The following TANC2 variants were observed in gnomAD, a reference collection of about 807,000 sequenced individuals.
The protein encoded by TANC2 is protein TANC2.
A neutral mutation model predicts 210.5 loss-of-function variants in TANC2; 26 were observed. The ratio of observed to expected loss-of-function variants is 0.12; its 90% confidence interval spans 0.09 to 0.17. TANC2 has a LOEUF of 0.17. TANC2 is among the 10% of genes least tolerant of loss of function. The pLI is 1.00. For synonymous variants in TANC2, 931 were observed against 967.1 expected, an observed-to-expected ratio of 0.96 and a Z score of 0.69; for missense variants, 2,129 against 2,608.9, an observed-to-expected ratio of 0.82 and a Z score of 4.01.
intron 9 of TANC2, among the ~76,000 whole-genome samples, chr17:63,276,883 G>C (rs1488930463): frequency 6.6e-6 from 1 of 152,084 alleles, no homozygotes; most frequent in Admixed American, 6.6e-5. Context: ...TGGTAATAAG[G>C]AAACTATGTC....
chr17:63,185,007 G>T (rs1400520901), intron 5 of TANC2, among the ~76,000 whole-genome samples: 2 of 150,592 alleles, frequency 1.3e-5, no homozygotes, highest in Admixed American at 1.3e-4. Context: ...GTTGGGGACA[G>T]AGTGTGAGAC....
chr17:63,411,540 G>A, exon 22 of TANC2: 1 of 1,613,230 alleles, frequency 6.2e-7, no homozygotes, highest in Non-Finnish European at 8.5e-7. Flanking sequence ...GGACAAAGAA[G>A]GATTGACAGC....
chr17:63,283,084 A>C (rs952317231), intron 9 of TANC2, among the ~76,000 whole-genome samples: 4 of 152,028 alleles, frequency 2.6e-5, no homozygotes, highest in Admixed American at 2.0e-4. Context: ...TTTATGTTTT[A>C]CATTTAGGTA....
At chr17:63,388,686 A>G in exon 16 of TANC2, 1 of 1,606,540 alleles carries the variant, frequency 6.2e-7, no homozygotes, top group Non-Finnish European at 8.5e-7. Context: ...AGGTCTCTGG[A>G]TCTCTTATAG....
rs142486219 is a variant in TANC2 at position 63,063,575 on chromosome 17, T to TGTGTGTGTGTGTAG, written c.68-10368_68-10367insGTGTGTGTGTGTAG. Among the ~76,000 whole-genome samples, 103 of 132,584 alleles carry TGTGTGTGTGTGTAG rather than the reference T, an allele frequency of 7.8e-4. 2 individuals are homozygous for TGTGTGTGTGTGTAG. Among genetic ancestry groups the TGTGTGTGTGTGTAG allele is most frequent in the African/African-American group, 2.3e-3 (75 of 32,124 alleles). The allele number at this position is 132,584 out of a possible 152,430, so 87.0% of individuals were successfully genotyped here. A position where few individuals can be genotyped will look rare whatever the true frequency, so the allele number is the denominator to read the frequency against. On this transcript the variant is annotated intron_variant, in intron 2 of 27. Transcript: ENST00000689528. ...GTGTGTGTGTGTGTGTGTGTGTGTG[T>TGTGTGTGTGTGTAG]AGATATATCTCTTACAGTATCACAC...
At chr17:63,220,850 G>A (rs1053610276) in intron 7 of TANC2, among the ~76,000 whole-genome samples, 4 of 148,526 alleles carry the variant, frequency 2.7e-5, no homozygotes, top group African/African-American at 9.9e-5. Context: ...GTGTATATAC[G>A]TATATACGTA....
intron 5 of TANC2, among the ~76,000 whole-genome samples, chr17:63,180,821 C>T (rs1265526415): frequency 1.9e-4 from 29 of 151,478 alleles, no homozygotes; most frequent in Admixed American, 1.6e-3. Context: ...GTCAGGAGTT[C>T]GAGACCAACC....
intron 17 of TANC2, 21 bp from the exon 18 acceptor site, chr17:63,395,722 T>A (rs771288078): frequency 6.2e-7 from 1 of 1,610,370 alleles, no homozygotes; most frequent in Non-Finnish European, 8.5e-7. Context: ...TTCACACATA[T>A]CTCCTGTCCT....
chr17:63,322,585 T>C (rs1005071629), intron 11 of TANC2, among the ~76,000 whole-genome samples: 3 of 152,242 alleles, frequency 2.0e-5, no homozygotes, highest in Non-Finnish European at 4.4e-5. Flanking sequence ...CATTCAGTTA[T>C]TCAGTTTAGA....
chr17:63,206,689 AGT>A (rs1437598517), intron 7 of TANC2, among the ~76,000 whole-genome samples: 1 of 152,134 alleles, frequency 6.6e-6, no homozygotes, highest in Non-Finnish European at 1.5e-5. Context: ...GAGAGTACTG[AGT>A]GGGGCTGCAG....
chr17:63,420,815 G>T lies in TANC2; in HGVS notation c.5085G>T (p.Gln1695His), dbSNP rs1349336732. 1.7e-5 allele frequency: 27 copies of T among 1,613,872 alleles called. No homozygotes were observed. The highest frequency in any genetic ancestry group is 2.3e-5 in the Non-Finnish European group (27 of 1,179,886). ...TCAGGCTACAGCCTGCCAAGGCCCA[G>T]ATTGTGAGAAGTAACCAGCCCAGCC... is the stretch of plus-strand genomic sequence containing the variant. Residue 1695 changes from glutamine to histidine, a missense_variant, in exon 28 of 28, where the codon CAG becomes CAT. Gln to His is a conservative substitution (Grantham distance 24). Around this residue, in one of 5 missense-constraint regions of TANC2, gnomAD observed 584 missense variants for 627.3 expected, o/e 0.93. Transcript: ENST00000689528. The surrounding 1 kb of genome is among the most constrained non-coding windows in gnomAD (Gnocchi z 4.2).
intron 7 of TANC2, among the ~76,000 whole-genome samples, chr17:63,232,902 T>A (rs1472459180): frequency 6.6e-6 from 1 of 152,218 alleles, no homozygotes; most frequent in Non-Finnish European, 1.5e-5. Context: ...CAACTGCGGC[T>A]GCCTCTCCTT....
chr17:63,339,761 A>C (rs973824194), intron 11 of TANC2, among the ~76,000 whole-genome samples: 6 of 152,152 alleles, frequency 3.9e-5, no homozygotes, highest in African/African-American at 1.4e-4. Flanking sequence ...ATGCTGAATA[A>C]ATGTTAGTGA....
At chr17:63,232,887 G>A (rs772891098) in intron 7 of TANC2, among the ~76,000 whole-genome samples, 6 of 152,218 alleles carry the variant, frequency 3.9e-5, no homozygotes, top group South Asian at 2.1e-4. Context: ...CCGAGACTGC[G>A]GCTGCAACTG....
intron 4 of TANC2, among the ~76,000 whole-genome samples, chr17:63,131,622 C>T (rs946874567): frequency 6.6e-6 from 1 of 150,888 alleles, no homozygotes; most frequent in Non-Finnish European, 1.5e-5. Context: ...CCAGTATTAA[C>T]GGATATTTAA....
intron 6 of TANC2, 147 bp from the exon 7 acceptor site, chr17:63,200,624 A>T: frequency 1.6e-6 from 1 of 645,048 alleles, no homozygotes; most frequent in East Asian, 2.8e-5. Flanking sequence ...CAAAGTCCTT[A>T]TCCGAGAAAG....
chr17:63,218,729 C>A (rs1438733048), intron 7 of TANC2, among the ~76,000 whole-genome samples: 5 of 151,974 alleles, frequency 3.3e-5, no homozygotes, highest in African/African-American at 1.2e-4. Flanking sequence ...AACCTCCTTT[C>A]TACTAAAAAT....
intron 1 of TANC2, among the ~76,000 whole-genome samples, chr17:62,987,247 C>T (rs915727878): frequency 6.6e-6 from 1 of 152,078 alleles, no homozygotes; most frequent in Non-Finnish European, 1.5e-5. Flanking sequence ...ACTTTGTGCT[C>T]CTGGGGTCGT....
rs189117062 is a variant in TANC2, at chr17:63,392,300, T to C, written c.3051+2756T>C. Among the ~76,000 whole-genome samples the C allele has an allele frequency of 2.1e-3, 320 of 152,364 alleles. 2 individuals carry two copies. Among genetic ancestry groups the C allele is most frequent in the Non-Finnish European group, 2.1e-4 (14 of 68,040 alleles). The stretch of plus-strand genomic sequence containing the variant: ...ACTGCTTCCTTGGCAGGCATGTTCA[T>C]ATCCCTGACTAGTTAGTTCCTCAGA... On this transcript the variant is annotated intron_variant, in intron 17 of 27. Coordinates refer to ENST00000689528, the Ensembl canonical transcript of TANC2.
Sources: allele counts gnomAD v4.1 joint callset (sites outside exome capture counted in the v4.1 genomes callset), GRCh38; gene constraint gnomAD v4.1.1; regional missense constraint gnomAD v4.1.1; non-coding constraint Gnocchi (gnomAD v3.1); transcripts MANE v1.5; gene names NCBI Gene and HGNC (gene_info 2026-07-23, HGNC 2026-07-21).